The following KATNIP variants were observed in gnomAD, a reference collection of about 807,000 sequenced individuals.
KATNIP encodes the protein katanin interacting protein, also known as katanin-interacting protein.
Under a neutral mutation model 174.0 loss-of-function variants are expected in KATNIP, and 126 were observed. That is an observed-to-expected ratio of 0.72 (90% CI 0.63 to 0.84). KATNIP has a LOEUF of 0.84. Ranked by LOEUF, KATNIP falls within the 40% of genes least tolerant of loss-of-function variation. KATNIP has a pLI of 0.00. For missense variants in KATNIP, 1,958 were observed against 2,109.7 expected (o/e 0.93, Z 1.41); for synonymous variants, 810 against 835.7 (o/e 0.97, Z 0.53).
At chr16:27,673,081 C>T (rs1395707868) in intron 6 of KATNIP, among the ~76,000 whole-genome samples, 1 of 152,130 alleles carries the variant, frequency 6.6e-6, no homozygotes, top group African/African-American at 2.4e-5. Flanking sequence ...CCAGCCTTTC[C>T]CCCACCCCAG....
chr16:27,638,507 T>C (rs1159296616), intron 5 of KATNIP, among the ~76,000 whole-genome samples: 1 of 152,130 alleles, frequency 6.6e-6, no homozygotes, highest in Non-Finnish European at 1.5e-5. Context: ...CCTGCCATGC[T>C]TAGGGGCAGC....
chr16:27,653,721 C>T (rs967986379), intron 6 of KATNIP, among the ~76,000 whole-genome samples: 1 of 150,274 alleles, frequency 6.7e-6, no homozygotes, highest in Non-Finnish European at 1.5e-5. Flanking sequence ...TGCAGTAGCA[C>T]AATCACAGCT....
rs540311425 is a variant in KATNIP, at chr16:27,770,116, C to T, written c.4133+98C>T. On this transcript the variant is annotated intron_variant, in intron 21 of 27. Coordinates refer to ENST00000261588, the MANE Select transcript of KATNIP (RefSeq NM_015202.5). ...TGTACATTCCGAAAGGGTTTTGAAA[C>T]GATGATCAAACGCATTGCTTTTCAA... 2.4e-5 allele frequency: 33 copies of T among 1,359,850 alleles called. No homozygotes were observed. The East Asian group carries it at 3.2e-4, about 13-fold the overall frequency. The allele number at this position is 1,359,850 out of a possible 1,614,324, so 84.2% of individuals were successfully genotyped here.
chr16:27,617,790 A>G (rs1596948763), intron 2 of KATNIP, among the ~76,000 whole-genome samples: 1 of 152,164 alleles, frequency 6.6e-6, no homozygotes, highest in Non-Finnish European at 1.5e-5. Context: ...GCTGGAGTGC[A>G]GTGGCGCAGT....
chr16:27,566,397 G>A (rs969826866), intron 1 of KATNIP, among the ~76,000 whole-genome samples: 6 of 152,262 alleles, frequency 3.9e-5, no homozygotes, highest in East Asian at 3.9e-4. Flanking sequence ...TACACCGGGC[G>A]TGGTGGTGGG....
intron 8 of KATNIP, among the ~76,000 whole-genome samples, chr16:27,693,779 C>T (rs1474696913): frequency 1.3e-5 from 2 of 152,198 alleles, no homozygotes; most frequent in African/African-American, 4.8e-5. Context: ...GCAGCTGGGA[C>T]GTGCCCTGGC....
At chr16:27,713,767 GTATATATACACATATTATATA>G (rs2079748674) in intron 13 of KATNIP, among the ~76,000 whole-genome samples, 4 of 2,016 alleles carry the variant, frequency 2.0e-3, no homozygotes, top group African/African-American at 6.8e-3. Flanking sequence ...GTGTGTATAT[GTATATATACACATATTATATA>G]TGTGTGTGTG....
chr16:27,664,795 C>A (rs2077628677), intron 6 of KATNIP, among the ~76,000 whole-genome samples: 1 of 152,140 alleles, frequency 6.6e-6, no homozygotes, highest in African/African-American at 2.4e-5. Flanking sequence ...ATCTTTGTCC[C>A]ATTGAAAACA....
At chr16:27,675,422 A>G (rs866223749) in intron 6 of KATNIP, among the ~76,000 whole-genome samples, 1 of 152,228 alleles carries the variant, frequency 6.6e-6, no homozygotes, top group Non-Finnish European at 1.5e-5. Flanking sequence ...CAGTCAAATC[A>G]TATCAAAATT....
At chr16:27,670,130 G>A (rs895599057) in intron 6 of KATNIP, among the ~76,000 whole-genome samples, 33 of 152,108 alleles carry the variant, frequency 2.2e-4, no homozygotes, top group Non-Finnish European at 8.8e-5. Context: ...AATAGCCATC[G>A]GTTTAATACA....
At position 27,752,431 on chromosome 16, in the gene KATNIP, G is replaced by A. The variant is rs1035770164; in HGVS notation, c.3552+507G>A. On this transcript the variant is annotated intron_variant, in intron 17 of 27. Transcript: ENST00000261588. ...TAGAGACTATTAACATTGCCATTTCGGAAACTGATGCTCAGAGAAGTCAAG... is the reference window on the plus strand; with the variant it reads ...TAGAGACTATTAACATTGCCATTTCAGAAACTGATGCTCAGAGAAGTCAAG... Among the ~76,000 whole-genome samples the A allele has an allele frequency of 2.0e-5, 3 of 152,198 alleles. No individual in the cohort carries two copies. The South Asian group carries it at 6.2e-4, about 31-fold the overall frequency.
rs377177977 is a variant in KATNIP at position 27,681,393 on chromosome 16, C to T, written c.809-6C>T. On this transcript the variant is annotated splice_polypyrimidine_tract_variant and splice_region_variant and intron_variant, in intron 7 of 27. Transcript: ENST00000261588. ...CGTCTTACATGAAACAATTGTTTTC[C>T]TACAGGTCATAAAAGGGAAAGGAAT... The T allele has an allele frequency of 3.7e-6, 6 of 1,614,098 alleles. No homozygotes were observed. Among genetic ancestry groups the T allele is most frequent in the East Asian group, 4.5e-5 (2 of 44,884 alleles).
chr16:27,601,273 G>T (rs915246225), intron 2 of KATNIP, among the ~76,000 whole-genome samples: 1 of 152,108 alleles, frequency 6.6e-6, no homozygotes, highest in Non-Finnish European at 1.5e-5. Context: ...GCGTCCTGAT[G>T]GGGGAGGCCA....
chr16:27,592,059 ATAAAAT>A (rs1166778802), intron 2 of KATNIP, among the ~76,000 whole-genome samples: 1 of 152,144 alleles, frequency 6.6e-6, no homozygotes, highest in African/African-American at 2.4e-5. Context: ...CCAGCCATTG[ATAAAAT>A]TATGGCCTGG....
intron 3 of KATNIP, among the ~76,000 whole-genome samples, chr16:27,619,193 G>A (rs915459022): frequency 4.6e-5 from 7 of 152,148 alleles, no homozygotes; most frequent in African/African-American, 1.7e-4. Context: ...AGTGGAGCTG[G>A]CTCAGTGGAA....
At chr16:27,641,994 C>T (rs912419640) in intron 5 of KATNIP, among the ~76,000 whole-genome samples, 3 of 152,232 alleles carry the variant, frequency 2.0e-5, no homozygotes, top group African/African-American at 7.2e-5. Flanking sequence ...CCATCTCTTC[C>T]CCGGCTAGAA....
At position 27,778,622 on chromosome 16, in the gene KATNIP, G is replaced by C. The variant is rs762795797; in HGVS notation, c.4850G>C (p.Arg1617Pro). ...AGCGAGAAGGAGACGAGACGACGGC[G>C]CTGCTGACTGGTGAAGGAGGGAGAG... ...CISEKETRRR[R>P]C Residue 1617 changes from arginine (R) to proline (P), a missense_variant, in exon 28 of 28, where the codon CGC (arginine) becomes CCC (proline). This residue lies in a region of KATNIP where 383 missense variants were observed against 456.0 expected (regional missense o/e 0.84). Coordinates refer to ENST00000261588, the MANE Select transcript of KATNIP (RefSeq NM_015202.5). The C allele has an allele frequency of 6.2e-7, 1 of 1,613,590 alleles. No individual in the cohort carries two copies. The highest frequency in any genetic ancestry group is 1.1e-5 in the South Asian group (1 of 90,994).
intron 3 of KATNIP, among the ~76,000 whole-genome samples, chr16:27,623,652 C>T (rs1277851399): frequency 6.6e-6 from 1 of 152,114 alleles, no homozygotes; most frequent in Non-Finnish European, 1.5e-5. Flanking sequence ...TTATTATTAT[C>T]ATCCTTTCGA....
chr16:27,653,576 G>T (rs369933027), intron 6 of KATNIP, among the ~76,000 whole-genome samples: 1 of 147,704 alleles, frequency 6.8e-6, no homozygotes, highest in Non-Finnish European at 1.5e-5. Context: ...AATGACCTCT[G>T]AGTGGGTGCC....
Sources: gnomAD v4.1 joint callset for allele counts (sites outside exome capture counted in the v4.1 genomes callset) on GRCh38, gnomAD v4.1.1 for gene constraint, gnomAD v4.1.1 regional missense constraint, MANE v1.5 for transcripts, NCBI Gene and HGNC (gene_info 2026-07-23, HGNC 2026-07-21) for gene names.